The following EVI5 variants were observed in gnomAD, a reference collection of about 807,000 sequenced individuals.
EVI5 encodes ecotropic viral integration site 5.
In EVI5, 73 loss-of-function variants were observed where a neutral mutation model predicts 112.0. The ratio of observed to expected loss-of-function variants is 0.65; its 90% CI spans 0.54 to 0.79. The LOEUF is 0.79. Among genes scored for constraint, EVI5 ranks in the 30% least tolerant of loss-of-function variants. The pLI is 0.00. For missense variants in EVI5, 900 were observed against 968.8 expected, an observed-to-expected ratio of 0.93 and a Z score of 0.94; for synonymous variants, 305 against 319.9, an observed-to-expected ratio of 0.95 and a Z score of 0.50.
chr1:92,750,898 C>T (rs936139260), intron 1 of EVI5, among the ~76,000 whole-genome samples: 1 of 152,170 alleles, frequency 6.6e-6, no homozygotes, highest in East Asian at 1.9e-4. Flanking sequence ...CGCCTGTAAT[C>T]CCAGCACTTT....
chr1:92,642,600 T>C (rs1408158394), intron 13 of EVI5, among the ~76,000 whole-genome samples: 1 of 152,250 alleles, frequency 6.6e-6, no homozygotes, highest in Non-Finnish European at 1.5e-5. Context: ...TAAAATACAT[T>C]ATCTAGAAGA....
chr1:92,641,840 GA>G (rs2101963433), intron 13 of EVI5, among the ~76,000 whole-genome samples: 1 of 152,256 alleles, frequency 6.6e-6, no homozygotes, highest in South Asian at 2.1e-4. Flanking sequence ...TAAAATTGTT[GA>G]AAAATAGGCC....
intron 16 of EVI5, among the ~76,000 whole-genome samples, chr1:92,621,077 TA>T (rs1006001908): frequency 1.3e-5 from 2 of 151,676 alleles, no homozygotes; most frequent in Non-Finnish European, 2.9e-5. Context: ...GAACAACCAC[TA>T]AAAAAACTCT....
At chr1:92,772,777 G>A (rs773248795) in intron 1 of EVI5, among the ~76,000 whole-genome samples, 10 of 151,838 alleles carry the variant, frequency 6.6e-5, no homozygotes, top group Non-Finnish European at 1.0e-4. Flanking sequence ...ATGGTGTCAG[G>A]CACCTGTAAT....
intron 16 of EVI5, among the ~76,000 whole-genome samples, chr1:92,607,989 CA>C (rs879678275): frequency 1.0e-3 from 150 of 143,164 alleles, no homozygotes; most frequent in South Asian, 1.1e-3. Flanking sequence ...ACTAAAATTA[CA>C]AAAAAAAAAA....
chr1:92,560,676 C>T (rs1043754542), intron 19 of EVI5, among the ~76,000 whole-genome samples: 3 of 152,048 alleles, frequency 2.0e-5, no homozygotes, highest in Non-Finnish European at 4.4e-5. Context: ...ATCCTCCTGC[C>T]TCGGCCACTG....
At chr1:92,578,543 G>A (rs182184114) in intron 18 of EVI5, among the ~76,000 whole-genome samples, 1,747 of 151,848 alleles carry the variant, frequency 0.012, 41 homozygotes, top group African/African-American at 0.04. Context: ...GTGAAACCCC[G>A]TATCTACTAA....
intron 9 of EVI5, among the ~76,000 whole-genome samples, chr1:92,688,895 G>A (rs1669016871): frequency 6.6e-6 from 1 of 152,136 alleles, no homozygotes; most frequent in African/African-American, 2.4e-5. Flanking sequence ...CAATTGTTGA[G>A]TTTATTATAT....
chr1:92,520,678 C>G (rs918804825), intron 19 of EVI5, among the ~76,000 whole-genome samples: 1 of 151,730 alleles, frequency 6.6e-6, no homozygotes, highest in African/African-American at 2.4e-5. Flanking sequence ...ATGTGAGACC[C>G]TGTCTCTACA....
chr1:92,744,529 T>G (rs1004953740), intron 1 of EVI5, among the ~76,000 whole-genome samples: 2 of 152,096 alleles, frequency 1.3e-5, no homozygotes. Flanking sequence ...TCTTTATCCC[T>G]GATAATTCTC....
At chr1:92,691,515 A>G (rs1230995830) in intron 9 of EVI5, among the ~76,000 whole-genome samples, 1 of 152,206 alleles carries the variant, frequency 6.6e-6, no homozygotes, top group Non-Finnish European at 1.5e-5. Flanking sequence ...TCTGTAGCTA[A>G]TGAGTAAAAT....
chr1:92,739,809 TC>T (rs1487058094), intron 1 of EVI5, among the ~76,000 whole-genome samples: 1 of 152,054 alleles, frequency 6.6e-6, no homozygotes, highest in Non-Finnish European at 1.5e-5. Context: ...GTTAATTACT[TC>T]CTGAATCATA....
chr1:92,637,027 G>A (rs994018951), intron 13 of EVI5, among the ~76,000 whole-genome samples: 2 of 151,924 alleles, frequency 1.3e-5, no homozygotes, highest in African/African-American at 2.4e-5. Context: ...AAAAAAACAG[G>A]GTACCTACAA....
chr1:92,561,608 C>CTAT (rs1557790129), intron 19 of EVI5, among the ~76,000 whole-genome samples: 182 of 132,248 alleles, frequency 1.4e-3, no homozygotes, highest in African/African-American at 2.5e-3. Flanking sequence ...TCTAATCTAT[C>CTAT]CTATCTATCT....
At chr1:92,615,610 C>T (rs765022169) in intron 16 of EVI5, among the ~76,000 whole-genome samples, 1 of 152,112 alleles carries the variant, frequency 6.6e-6, no homozygotes, top group Non-Finnish European at 1.5e-5. Flanking sequence ...GTGGAAACAA[C>T]CCCTCCCCAA....
chr1:92,749,646 G>A (rs1679877673), intron 1 of EVI5, among the ~76,000 whole-genome samples: 1 of 151,962 alleles, frequency 6.6e-6, no homozygotes, highest in South Asian at 2.1e-4. Context: ...TTAAGCAGGA[G>A]AGTACTAACT....
intron 19 of EVI5, among the ~76,000 whole-genome samples, chr1:92,545,960 G>A (rs1322063936): frequency 6.6e-6 from 1 of 151,710 alleles, no homozygotes; most frequent in Non-Finnish European, 1.5e-5. Context: ...ACACGATTTA[G>A]GCAGCCCCAT....
intron 19 of EVI5, among the ~76,000 whole-genome samples, chr1:92,526,958 G>A (rs1661979314): frequency 6.6e-6 from 1 of 152,130 alleles, no homozygotes; most frequent in Admixed American, 6.6e-5. Context: ...AGGGGCATAC[G>A]GTAACTCTCT....
chr1:92,665,976 T>C lies in EVI5; in HGVS notation c.1175A>G (p.Asn392Ser). ...QVEIKRLRTE[N>S]RLLKQRIETL... The stretch of plus-strand genomic sequence containing the variant: ...CTCGATGCGCTGTTTTAAAAGTCTA[T>C]TTTCTGTGCGTAACCTCTGCCAAGA... The change falls in exon 11 of 20, where the codon AAT becomes AGT. Residue 392 changes from asparagine to serine, a missense_variant. Coordinates refer to ENST00000684568, the MANE Select transcript of EVI5 (RefSeq NM_001350197.2). 1.2e-6 allele frequency: 2 copies of C among 1,607,978 alleles called. No homozygotes were observed. The highest frequency in any genetic ancestry group is 1.1e-5 in the South Asian group (1 of 89,446).
Sources: gnomAD v4.1 joint callset for allele counts (sites outside exome capture counted in the v4.1 genomes callset) on GRCh38, gnomAD v4.1.1 for gene constraint, MANE v1.5 for transcripts, NCBI Gene and HGNC (gene_info 2026-07-23, HGNC 2026-07-21) for gene names.